Variants in FNIP1 observed in about 807,000 individuals in gnomAD.
FNIP1 encodes folliculin interacting protein 1.
In FNIP1, 40 loss-of-function variants were observed where a neutral mutation model predicts 124.5. The ratio of observed to expected loss-of-function variants is 0.32; its 90% confidence interval spans 0.25 to 0.42. FNIP1 has a LOEUF of 0.42. Among genes scored for constraint, FNIP1 ranks in the 10% least tolerant of loss-of-function variants. The pLI is 1.00. For missense variants in FNIP1, 1,176 were observed against 1,403.7 expected (o/e 0.84, Z 2.59); for synonymous variants, 472 against 470.6 (o/e 1.00, Z -0.04).
At chr5:131,739,744 C>A (rs577237860) in intron 2 of FNIP1, among the ~76,000 whole-genome samples, 5 of 131,684 alleles carry the variant, frequency 3.8e-5, no homozygotes, top group Non-Finnish European at 7.7e-5. Flanking sequence ...ACCCAGGAGG[C>A]GGAGCTTGTA....
intron 1 of FNIP1, among the ~76,000 whole-genome samples, chr5:131,775,047 A>G (rs564427753): frequency 3.9e-5 from 6 of 152,258 alleles, no homozygotes; most frequent in Non-Finnish European, 8.8e-5. Context: ...GATTTGATCC[A>G]AGCAAGTTGC....
intron 1 of FNIP1, among the ~76,000 whole-genome samples, chr5:131,776,807 CACTGGTA>C (rs1332069802): frequency 2.0e-5 from 3 of 152,168 alleles, no homozygotes; most frequent in African/African-American, 7.2e-5. Flanking sequence ...GGTTCCAGGA[CACTGGTA>C]ACGGTTTGCT....
chr5:131,756,629 A>T (rs1171692733), intron 1 of FNIP1, among the ~76,000 whole-genome samples: 5 of 152,174 alleles, frequency 3.3e-5, no homozygotes, highest in African/African-American at 1.2e-4. Flanking sequence ...ACACTTAATG[A>T]GGTAGGGAAA....
intron 11 of FNIP1, among the ~76,000 whole-genome samples, chr5:131,684,073 G>C (rs974004673): frequency 2.0e-5 from 3 of 152,076 alleles, no homozygotes; most frequent in African/African-American, 7.2e-5. Context: ...CTGAATATTA[G>C]ACAGCATTTC....
intron 15 of FNIP1, among the ~76,000 whole-genome samples, chr5:131,653,090 T>C (rs1293977164): frequency 1.7e-4 from 26 of 152,212 alleles, no homozygotes; most frequent in Admixed American, 1.7e-3. Flanking sequence ...CCAGAGAAGG[T>C]ATTCCTTGAT....
intron 11 of FNIP1, among the ~76,000 whole-genome samples, chr5:131,690,246 G>A (rs528048056): frequency 2.0e-5 from 3 of 151,576 alleles, no homozygotes; most frequent in South Asian, 2.1e-4. Context: ...AATAAAATAA[G>A]ATAAAATAAA....
At chr5:131,686,557 T>A (rs901275886) in intron 11 of FNIP1, among the ~76,000 whole-genome samples, 8 of 152,200 alleles carry the variant, frequency 5.3e-5, no homozygotes, top group Non-Finnish European at 1.0e-4. Flanking sequence ...TTATTGATTT[T>A]AAATTTTGTG....
chr5:131,782,527 TG>T (rs1772029164), intron 1 of FNIP1, among the ~76,000 whole-genome samples: 1 of 151,014 alleles, frequency 6.6e-6, no homozygotes, highest in African/African-American at 2.4e-5. Context: ...ATTACGCCAC[TG>T]CACTTCAACT....
chr5:131,741,382 A>G (rs1056932438), intron 2 of FNIP1, among the ~76,000 whole-genome samples: 6 of 152,230 alleles, frequency 3.9e-5, no homozygotes, highest in Non-Finnish European at 5.9e-5. Context: ...GAGCATGCAA[A>G]GTACTTTGGT....
In FNIP1 at chr5:131,657,290, C is replaced by A. The variant is rs368504549; in HGVS notation, c.3109-5291G>T. On this transcript the variant is annotated intron_variant, in intron 15 of 17. Transcript: ENST00000510461. The stretch of plus-strand genomic sequence containing the variant: ...GTGCTGGGATTACAGGCGTGAGCCA[C>A]CACGCCTGGCCCCACCCATGCTTTA... Among the ~76,000 whole-genome samples, 4 of 152,038 alleles carry A rather than the reference C, an allele frequency of 2.6e-5. No individual in the cohort carries two copies. In the East Asian group the frequency reaches 5.8e-4, roughly 22 times the overall value.
In FNIP1 at chr5:131,796,884, C is replaced by G; in HGVS notation, c.38G>C (p.Arg13Thr). Residue 13 changes from arginine (R) to threonine (T), a missense_variant, in exon 1 of 18, where the codon AGG becomes ACG. This residue lies in a region of FNIP1 where 1,109 missense variants were observed against 1,288.5 expected (regional missense o/e 0.86). Transcript: ENST00000510461. ...GCGGCCGGGCGCGCCCAGCCCGGTC[C>G]TCTTGCTGAAGAGCTTCTGGAACAG... Reference protein sequence around the residue: ...PTLFQKLFSKRTGLGAPGRDA... With the variant: ...PTLFQKLFSKTTGLGAPGRDA... The G allele has an allele frequency of 1.9e-6, 3 of 1,609,232 alleles. No individual in the cohort carries two copies. In the East Asian group the frequency reaches 6.7e-5, roughly 36 times the overall value.
rs773297434 is a variant in FNIP1, at chr5:131,679,165, A to G, written c.1213T>C (p.Cys405Arg). The change falls in exon 12 of 18, where the codon TGT (cysteine) becomes CGT (arginine). Residue 405 changes from cysteine (C) to arginine (R), a missense_variant. Cys to Arg is a radical substitution (Grantham distance 180). Around this residue, in one of 2 missense-constraint regions of FNIP1, gnomAD observed 1,109 missense variants for 1,288.5 expected, o/e 0.86. Transcript: ENST00000510461. The stretch of plus-strand genomic sequence containing the variant: ...ATTCGTGGCATCGTGTAAAGATTAC[A>G]AATTGTTGTTCTAAAAAGAGGAAGA... ...DALNEFRTTI[C>R]NLYTMPRIGE... The G allele has an allele frequency of 1.3e-6, 2 of 1,577,230 alleles. No homozygotes were observed. The highest frequency in any genetic ancestry group is 1.7e-6 in the Non-Finnish European group (2 of 1,148,324).
chr5:131,786,115 G>C (rs536574408), intron 1 of FNIP1, among the ~76,000 whole-genome samples: 2 of 152,260 alleles, frequency 1.3e-5, no homozygotes, highest in Admixed American at 1.3e-4. Context: ...TGCTTAAATT[G>C]CTCATTGAAT....
At chr5:131,796,342 T>A (rs1026187052) in intron 1 of FNIP1, 1 of 157,864 alleles carries the variant, frequency 6.3e-6, no homozygotes, top group African/African-American at 2.4e-5. Flanking sequence ...CAGCCTTCTC[T>A]CAACTCAGAA....
intron 2 of FNIP1, among the ~76,000 whole-genome samples, chr5:131,742,280 A>G: frequency 6.6e-6 from 1 of 152,206 alleles, no homozygotes; most frequent in Non-Finnish European, 1.5e-5. Context: ...TCTGGCCAAC[A>G]AGGCGAAACC....
At chr5:131,720,469 T>TA (rs2149543177) in intron 3 of FNIP1, among the ~76,000 whole-genome samples, 1 of 151,968 alleles carries the variant, frequency 6.6e-6, no homozygotes, top group East Asian at 1.9e-4. Context: ...AAAGCACAGG[T>TA]AACAACAGCA....
At chr5:131,702,746 C>G (rs1768944006) in intron 10 of FNIP1, among the ~76,000 whole-genome samples, 1 of 152,162 alleles carries the variant, frequency 6.6e-6, no homozygotes, top group African/African-American at 2.4e-5. Flanking sequence ...ATCGTATATA[C>G]TATCTCAGTA....
In FNIP1 at chr5:131,679,717, C is replaced by A. The variant is rs540007763; in HGVS notation, c.1203-542G>T. 5.3e-5 allele frequency among the ~76,000 whole-genome samples: 8 copies of A among 152,266 alleles called. No homozygotes were observed. The South Asian group carries it at 1.7e-3, about 32-fold the overall frequency. ...TGCTACATTTTATGACTCTCTCAAC[C>A]TTCTACAGTGTTTCCTTGAATCAAC... On this transcript the variant is annotated intron_variant, in intron 11 of 17. Coordinates refer to ENST00000510461, the MANE Select transcript of FNIP1 (RefSeq NM_133372.3).
chr5:131,671,750 G>C lies in FNIP1; in HGVS notation c.2694C>G (p.Thr898=), dbSNP rs1295157622. The C allele has an allele frequency of 7.4e-6, 12 of 1,613,970 alleles. No individual in the cohort carries two copies. Among genetic ancestry groups the C allele is most frequent in the African/African-American group, 1.3e-5 (1 of 74,910 alleles). Residue 898 remains threonine, a synonymous_variant, in exon 14 of 18, where the codon ACC becomes ACG. Coordinates refer to ENST00000510461, the MANE Select transcript of FNIP1 (RefSeq NM_133372.3). ...CTCTTTGGTCCTGCTGAGGAAAGCAGGTTTTACATGAATCTTGGGGAACTG... is the reference window on the plus strand; with the variant it reads ...CTCTTTGGTCCTGCTGAGGAAAGCACGTTTTACATGAATCTTGGGGAACTG... The part of the protein sequence containing the change: ...IETVPQDSCK[T]CFPQQDQRDT...
Sources: allele counts gnomAD v4.1 joint callset (sites outside exome capture counted in the v4.1 genomes callset), GRCh38; gene constraint gnomAD v4.1.1; regional missense constraint gnomAD v4.1.1; transcripts MANE v1.5; gene names NCBI Gene and HGNC (gene_info 2026-07-23, HGNC 2026-07-21).